OPCML: variants seen among roughly 807,000 people sequenced by gnomAD.
OPCML encodes opioid-binding protein/cell adhesion molecule.
A neutral mutation model predicts 37.8 loss-of-function variants in OPCML; 13 were observed. The observed-to-expected ratio is 0.34, with a 90% CI of 0.22 to 0.55. The LOEUF (loss-of-function observed/expected upper bound fraction) is 0.55, where lower values mean the gene tolerates loss of function less well. Ranked by LOEUF, OPCML falls within the 20% of genes least tolerant of loss-of-function variation. The pLI is 0.91. For synonymous variants in OPCML, 176 were observed against 168.8 expected, an observed-to-expected ratio of 1.04 and a Z score of -0.33; for missense variants, 341 against 435.6, an observed-to-expected ratio of 0.78 and a Z score of 1.93.
intron 1 of OPCML, chr11:133,421,892 A>C (rs1370170985): frequency 1.9e-6 from 1 of 540,118 alleles, no homozygotes; most frequent in Non-Finnish European, 2.4e-6. Context: ...GAGAAACAAT[A>C]ATTATTGTCA....
At chr11:133,363,073 C>A (rs574791234) in intron 1 of OPCML, among the ~76,000 whole-genome samples, 1 of 152,174 alleles carries the variant, frequency 6.6e-6, no homozygotes, top group Admixed American at 6.5e-5. Context: ...CAATACCCTG[C>A]CCCATGGAAG....
intron 1 of OPCML, among the ~76,000 whole-genome samples, chr11:133,279,939 G>T (rs943352843): frequency 7.2e-5 from 11 of 152,128 alleles, no homozygotes; most frequent in African/African-American, 2.7e-4. Context: ...CAATACATGT[G>T]CCTCTCTTCT....
At chr11:132,558,990 T>G (rs2137489194) in intron 3 of OPCML, among the ~76,000 whole-genome samples, 1 of 152,266 alleles carries the variant, frequency 6.6e-6, no homozygotes, top group Non-Finnish European at 1.5e-5. Flanking sequence ...TTTTCAACTA[T>G]TTGATTGGGA....
intron 2 of OPCML, among the ~76,000 whole-genome samples, chr11:132,863,156 C>T (rs916860356): frequency 2.0e-5 from 3 of 152,050 alleles, no homozygotes; most frequent in Non-Finnish European, 4.4e-5. Flanking sequence ...ACCCTTCCTG[C>T]CTGTAGCTAC....
At chr11:133,218,696 T>C (rs745593219) in intron 1 of OPCML, among the ~76,000 whole-genome samples, 13 of 152,202 alleles carry the variant, frequency 8.5e-5, no homozygotes, top group Admixed American at 2.0e-4. Flanking sequence ...ACTCCAGGGA[T>C]TGCCTGGACA....
chr11:132,843,092 C>CTT (rs56036372), intron 2 of OPCML, among the ~76,000 whole-genome samples: 1,545 of 123,278 alleles, frequency 0.013, 40 homozygotes, highest in South Asian at 0.047. Flanking sequence ...CTTTTTCTTT[C>CTT]TTTTTTTTTT....
At chr11:133,310,683 T>C (rs1943048469) in intron 1 of OPCML, among the ~76,000 whole-genome samples, 1 of 152,148 alleles carries the variant, frequency 6.6e-6, no homozygotes, top group Admixed American at 6.5e-5. Context: ...TATCCTTCCC[T>C]GGAAGGACTG....
intron 2 of OPCML, among the ~76,000 whole-genome samples, chr11:132,914,578 C>A (rs1451233746): frequency 6.6e-6 from 1 of 152,186 alleles, no homozygotes; most frequent in Non-Finnish European, 1.5e-5. Flanking sequence ...AAACCAGAGT[C>A]CCAGCAGAGA....
chr11:132,823,891 C>G (rs1940140056), intron 2 of OPCML, among the ~76,000 whole-genome samples: 1 of 152,144 alleles, frequency 6.6e-6, no homozygotes. Context: ...AGAAAAGCAG[C>G]CTGTATGTCT....
chr11:133,008,356 G>C, intron 1 of OPCML: 3 of 985,246 alleles, frequency 3.0e-6, no homozygotes, highest in Non-Finnish European at 2.4e-6. Context: ...AAAGGAATAT[G>C]TTCCTTCAAA....
chr11:133,066,569 G>T (rs1235899709), intron 1 of OPCML: 1 of 152,234 alleles, frequency 6.6e-6, no homozygotes, highest in Non-Finnish European at 1.5e-5. Context: ...CTATGTCCTG[G>T]TGCAAGTCAT....
rs77870251 is a variant in OPCML, at chr11:132,528,871, C to A, written c.505+190G>T. ...CTAAGGCCATAAAAATGACTGACAC[C>A]ATCATTTAGCAAATTTCCTCTATGA... On this transcript the variant is annotated intron_variant, in intron 4 of 7. Coordinates refer to ENST00000524381, the MANE Select transcript of OPCML (RefSeq NM_001012393.5). Among the ~76,000 whole-genome samples the A allele has an allele frequency of 7.0e-3, 1,068 of 152,284 alleles. 9 individuals are homozygous for A. The highest frequency in any genetic ancestry group is 0.024 in the African/African-American group (1,003 of 41,542).
intron 1 of OPCML, among the ~76,000 whole-genome samples, chr11:133,514,396 C>A (rs374204062): frequency 2.6e-5 from 4 of 152,300 alleles, no homozygotes; most frequent in Admixed American, 6.5e-5. Flanking sequence ...GAGGGAAAAA[C>A]CAAACACTCT....
intron 3 of OPCML, among the ~76,000 whole-genome samples, chr11:132,547,749 A>G (rs1177506947): frequency 6.6e-6 from 1 of 151,846 alleles, no homozygotes; most frequent in Admixed American, 6.6e-5. Context: ...GTGGAGGGGA[A>G]AAAAAAGTCT....
At chr11:132,487,420 T>C (rs2096203369) in intron 4 of OPCML, among the ~76,000 whole-genome samples, 1 of 152,230 alleles carries the variant, frequency 6.6e-6, no homozygotes, top group South Asian at 2.1e-4. Context: ...CTTTTCTTCA[T>C]TTATCTGTTC....
chr11:133,048,306 G>A (rs543963454), intron 1 of OPCML, among the ~76,000 whole-genome samples: 1 of 152,064 alleles, frequency 6.6e-6, no homozygotes, highest in South Asian at 2.1e-4. Context: ...TAACTCAATC[G>A]ACAAATAGTA....
At chr11:133,376,192 AC>A (rs1431391225) in intron 1 of OPCML, among the ~76,000 whole-genome samples, 1 of 140,366 alleles carries the variant, frequency 7.1e-6, no homozygotes, top group Non-Finnish European at 1.5e-5. Context: ...AAATTGCAAT[AC>A]TTTTTTTTAA....
chr11:132,787,943 C>T (rs1276646062), intron 2 of OPCML, among the ~76,000 whole-genome samples: 2 of 152,176 alleles, frequency 1.3e-5, no homozygotes, highest in African/African-American at 4.8e-5. Context: ...TGCAGTGGTG[C>T]AATCTCGGCT....
chr11:132,965,620 C>T (rs1316317253), intron 1 of OPCML, among the ~76,000 whole-genome samples: 2 of 152,082 alleles, frequency 1.3e-5, no homozygotes, highest in East Asian at 3.9e-4. Flanking sequence ...GCAATTTCTG[C>T]CTCCTGAGTT....
Sources: gnomAD v4.1 joint callset for allele counts (sites outside exome capture counted in the v4.1 genomes callset) on GRCh38, gnomAD v4.1.1 for gene constraint, MANE v1.5 for transcripts, NCBI Gene and HGNC (gene_info 2026-07-23, HGNC 2026-07-21) for gene names.